CES2: variants seen among roughly 807,000 people sequenced by gnomAD.
CES2 encodes carboxylesterase 2.
Under a neutral mutation model 52.1 loss-of-function variants are expected in CES2, and 42 were observed. That is an observed-to-expected ratio of 0.81 (90% CI 0.63 to 1.04). The LOEUF is 1.04. Among genes scored for constraint, CES2 ranks in the 50% least tolerant of loss-of-function variants. The pLI, the probability that CES2 is intolerant of heterozygous loss-of-function variation, is 0.00. For missense variants in CES2, 656 were observed against 724.3 expected, an observed-to-expected ratio of 0.91 and a Z score of 1.08; for synonymous variants, 277 against 289.6, an observed-to-expected ratio of 0.96 and a Z score of 0.44.
At chr16:66,935,301 C>T, upstream of CES2, 1 of 944,276 alleles carries the variant, frequency 1.1e-6, no homozygotes, top group East Asian at 2.4e-5. Context: ...GGCCTGTGGA[C>T]AAGGACAGGT....
chr16:66,938,007 C>T (rs1376050422), intron 1 of CES2, 30 bp from the exon 2 acceptor site: 2 of 1,601,416 alleles, frequency 1.2e-6, no homozygotes, highest in Admixed American at 1.7e-5. Context: ...TGGTCAAACC[C>T]AACCGTGATG....
chr16:66,943,114 A>G lies in CES2; in HGVS notation c.1421-185A>G, dbSNP rs1033986946. ...GGGGCCATGAAGGAGCCCAGGATGG[A>G]GTCAGCCAGAGCCTGGTCTACAGGG... On this transcript the variant is annotated intron_variant, in intron 10 of 11. Coordinates refer to ENST00000317091, the MANE Select transcript of CES2 (RefSeq NM_001365405.1). The surrounding 1 kb of genome is among the most constrained non-coding windows in gnomAD (Gnocchi z 4.2). Among the ~76,000 whole-genome samples the G allele has an allele frequency of 1.2e-4, 19 of 152,100 alleles. No individual in the cohort carries two copies. Among genetic ancestry groups the G allele is most frequent in the African/African-American group, 4.3e-4 (18 of 41,420 alleles).
At position 66,941,797 on chromosome 16, in the gene CES2, A is replaced by G. The variant is rs761981005; in HGVS notation, c.1086A>G (p.Glu362=). 1 of 1,614,136 alleles carries G rather than the reference A, an allele frequency of 6.2e-7. No individual in the cohort carries two copies. The part of the protein sequence containing the change: ...KVMRIYDTQK[E]MDREASQAAL... ...TGAGGATCTATGATACCCAGAAGGA[A>G]ATGGACAGAGAGGCCTCCCAGGCTG... The change falls in exon 8 of 12, where the codon GAA becomes GAG. Residue 362 remains glutamate (E), a synonymous_variant. Coordinates refer to ENST00000317091, the MANE Select transcript of CES2 (RefSeq NM_001365405.1).
In CES2 at chr16:66,942,348, T is replaced by C. The variant is rs368481651; in HGVS notation, c.1282+99T>C. ...CTGTCCGGGTCAGCACTCATGTTTATTGGGCTCCGGGGACACTTGACATCC... is the reference window on the plus strand; with the variant it reads ...CTGTCCGGGTCAGCACTCATGTTTACTGGGCTCCGGGGACACTTGACATCC... On this transcript the variant is annotated intron_variant, in intron 9 of 11. Transcript: ENST00000317091. The C allele has an allele frequency of 4.3e-5, 56 of 1,301,830 alleles. 2 individuals are homozygous for C. The Middle Eastern group carries it at 1.2e-3, about 28-fold the overall frequency. The allele number at this position is 1,301,830 out of a possible 1,614,324, so 80.6% of individuals were successfully genotyped here. A position where few individuals can be genotyped will look rare whatever the true frequency, so the allele number is the denominator to read the frequency against.
In CES2 at chr16:66,941,824, T is replaced by A; in HGVS notation, c.1113T>A (p.Ala371=). ...TGGACAGAGAGGCCTCCCAGGCTGC[T>A]CTGCAGAAAATGTTAACGCTGCTGG... is the stretch of plus-strand genomic sequence containing the variant. ...KEMDREASQA[A]LQKMLTLLML... The change falls in exon 8 of 12, where the codon GCT becomes GCA. Residue 371 remains alanine, a synonymous_variant. Coordinates refer to ENST00000317091, the MANE Select transcript of CES2 (RefSeq NM_001365405.1). 1 of 1,614,168 alleles carries A rather than the reference T, an allele frequency of 6.2e-7. No homozygotes were observed. Among genetic ancestry groups the A allele is most frequent in the African/African-American group, 1.3e-5 (1 of 75,042 alleles).
At chr16:66,935,412 G>C (rs780466924), upstream of CES2, 1 of 1,548,154 alleles carries the variant, frequency 6.5e-7, no homozygotes, top group Admixed American at 1.9e-5. Flanking sequence ...GGCCGTGCCC[G>C]GGCCTGCCTA....
chr16:66,941,885 C>T (rs963750308), intron 8 of CES2, 37 bp downstream of exon 8: 2 of 1,613,000 alleles, frequency 1.2e-6, no homozygotes, highest in African/African-American at 1.3e-5. Context: ...TGGAGACGGG[C>T]TCCTCTCCTG....
Position 66,940,271 on chromosome 16 carries a change from T to C in CES2, c.473T>C (p.Leu158Ser). 6.2e-7 allele frequency: 1 copy of C among 1,614,036 alleles called. No homozygotes were observed. The highest frequency in any genetic ancestry group is 1.1e-5 in the South Asian group (1 of 91,074). The stretch of plus-strand genomic sequence containing the variant: ...GCGCTTGTTTTTGGCATGGCTTCCT[T>C]GTATGATGGTTCCATGCTGGCTGCC... ...GGALVFGMAS[L>S]YDGSMLAALE... The change falls in exon 4 of 12, where the codon TTG becomes TCG. Residue 158 changes from leucine (L) to serine (S), a missense_variant. By Grantham distance (145) the Leu-to-Ser change is moderately radical. Coordinates refer to ENST00000317091, the MANE Select transcript of CES2 (RefSeq NM_001365405.1).
chr16:66,935,583 T>A lies in CES2; in HGVS notation c.-53T>A. The A allele has an allele frequency of 2.5e-6, 4 of 1,613,282 alleles. No individual in the cohort carries two copies. Among genetic ancestry groups the A allele is most frequent in the Non-Finnish European group, 3.4e-6 (4 of 1,180,020 alleles). ...TGCTGGACAGACCCGGGGCAGCCTC[T>A]GGGTGAACAGCAGCGTGTCCGCCGG... On this transcript the variant is annotated 5_prime_UTR_variant, in exon 1 of 12. Coordinates refer to ENST00000317091, the MANE Select transcript of CES2 (RefSeq NM_001365405.1).
In CES2 at chr16:66,940,465, T is replaced by G. The variant is rs1235768257; in HGVS notation, c.586T>G (p.Trp196Gly). 9 of 1,613,970 alleles carry G rather than the reference T, an allele frequency of 5.6e-6. No individual in the cohort carries two copies. The highest frequency in any genetic ancestry group is 7.6e-6 in the Non-Finnish European group (9 of 1,180,032). Residue 196 changes from tryptophan (W) to glycine (G), a missense_variant, in exon 5 of 12, where the codon TGG becomes GGG. By Grantham distance (184) the Trp-to-Gly change is radical. Transcript: ENST00000317091. Reference protein sequence around the residue: ...STGDKHATGNWGYLDQVAALR... With the variant: ...STGDKHATGNGGYLDQVAALR... ...TGGAGACAAGCACGCAACCGGCAAC[T>G]GGGGCTACCTGGACCAAGTGGCTGC...
rs1963294076 is a variant in CES2, at chr16:66,939,213, C to T, written c.282-4C>T. 5 of 1,612,724 alleles carry T rather than the reference C, an allele frequency of 3.1e-6. No homozygotes were observed. The highest frequency in any genetic ancestry group is 2.2e-5 in the South Asian group (2 of 91,040). ...CTGGACTGATTATTTGCCCTGGTTA[C>T]CAGGTGTCTACAGGACCTCACCGCA... On this transcript the variant is annotated splice_polypyrimidine_tract_variant and splice_region_variant and intron_variant, in intron 2 of 11. Transcript: ENST00000317091.
rs376221469 is a variant in CES2, at chr16:66,942,674, G to A, written c.1309G>A (p.Glu437Lys). Residue 437 changes from glutamate (E) to lysine (K), a missense_variant, in exon 10 of 12, where the codon GAG becomes AAG. By Grantham distance (56) the Glu-to-Lys change is moderately conservative. Coordinates refer to ENST00000317091, the MANE Select transcript of CES2 (RefSeq NM_001365405.1). ...QCSRAPVYFY[E>K]FQHQPSWLKN... ...TTCCCGGGCCCCTGTGTACTTCTAC[G>A]AGTTCCAGCATCAGCCCAGCTGGCT... The A allele has an allele frequency of 2.5e-5, 41 of 1,614,076 alleles. No homozygotes were observed. The highest frequency in any genetic ancestry group is 3.1e-5 in the Non-Finnish European group (37 of 1,180,048).
In CES2 at chr16:66,944,101, A is replaced by G. The variant is rs2145512609; in HGVS notation, c.*76A>G. 1 of 656,434 alleles carries G rather than the reference A, an allele frequency of 1.5e-6. No homozygotes were observed. Among genetic ancestry groups the G allele is most frequent in the Non-Finnish European group, 2.4e-6 (1 of 411,874 alleles). The allele number at this position is 656,434 out of a possible 1,614,324, so 40.7% of individuals were successfully genotyped here. On this transcript the variant is annotated 3_prime_UTR_variant, in exon 12 of 12. Transcript: ENST00000317091. ...CCTGCTGTGCCCACACACACCCACT[A>G]AGGAGAAAGAAGTTGATTCCTTCAT...
intron 1 of CES2, 34 bp from the exon 2 acceptor site, chr16:66,938,003 A>G (rs768148548): frequency 1.3e-6 from 2 of 1,596,592 alleles, no homozygotes; most frequent in African/African-American, 2.7e-5. Flanking sequence ...CGATTGGTCA[A>G]ACCCAACCGT....
intron 3 of CES2, among the ~76,000 whole-genome samples, chr16:66,939,952 A>T (rs892029114): frequency 2.0e-5 from 3 of 152,240 alleles, no homozygotes; most frequent in African/African-American, 7.2e-5. Context: ...ATGTGGAGCC[A>T]TCAGGGAGAC....
chr16:66,938,053 T>G lies in CES2; in HGVS notation c.93T>G (p.Ser31Arg), dbSNP rs1275511311. Residue 31 changes from serine (S) to arginine (R), a missense_variant, in exon 2 of 12, where the codon AGT (serine) becomes AGG (arginine). Transcript: ENST00000317091. Reference sequence around the variant, plus strand: ...TGCCCACAGGCCAGGACTCAGCCAGTCCCATCCGGACCACACACACGGGGC... The same window carrying G: ...TGCCCACAGGCCAGGACTCAGCCAGGCCCATCCGGACCACACACACGGGGC... ...LVRGQGQDSA[S>R]PIRTTHTGQV... The G allele has an allele frequency of 1.2e-6, 2 of 1,614,138 alleles. No homozygotes were observed. Among genetic ancestry groups the G allele is most frequent in the African/African-American group, 1.3e-5 (1 of 75,060 alleles).
chr16:66,936,982 G>A (rs1242716805), intron 1 of CES2, among the ~76,000 whole-genome samples: 1 of 146,072 alleles, frequency 6.8e-6, no homozygotes, highest in Non-Finnish European at 1.5e-5. Flanking sequence ...AGGAGTTAGA[G>A]ACCAGCTTGG....
chr16:66,934,499 G>A, upstream of CES2: 1 of 1,317,122 alleles, frequency 7.6e-7, no homozygotes, highest in Non-Finnish European at 1.0e-6. The surrounding 1 kb of genome is among the most constrained non-coding windows in gnomAD (Gnocchi z 4.1). Flanking sequence ...TTCTCGGCCT[G>A]AGGTGCGAGA....
chr16:66,935,152 G>T (rs1963167801), upstream of CES2: 2 of 361,688 alleles, frequency 5.5e-6, no homozygotes, highest in Non-Finnish European at 1.0e-5. Flanking sequence ...TTGCTCAAGC[G>T]GTTCCTTCAC....
Sources: gnomAD v4.1 joint callset for allele counts (sites outside exome capture counted in the v4.1 genomes callset) on GRCh38, gnomAD v4.1.1 for gene constraint, Gnocchi (gnomAD v3.1) non-coding constraint, MANE v1.5 for transcripts, NCBI Gene and HGNC (gene_info 2026-07-23, HGNC 2026-07-21) for gene names.